The following ITGA8 variants were observed in gnomAD, a reference collection of about 807,000 sequenced individuals.
ITGA8 encodes integrin alpha-8.
In ITGA8, 91 loss-of-function variants were observed where a neutral mutation model predicts 142.3. That is an observed-to-expected ratio of 0.64 (90% CI 0.54 to 0.76). ITGA8 has a LOEUF of 0.76. ITGA8 is among the 30% of genes least tolerant of loss of function. The pLI is 0.00. For synonymous variants in ITGA8, 505 were observed against 485.2 expected (o/e 1.04, Z -0.54); for missense variants, 1,406 against 1,327.7 (o/e 1.06, Z -0.92).
At chr10:15,635,765 T>G (rs1024875390) in intron 13 of ITGA8, among the ~76,000 whole-genome samples, 7 of 152,150 alleles carry the variant, frequency 4.6e-5, no homozygotes, top group Non-Finnish European at 8.8e-5. Context: ...GTTTGAGAAG[T>G]AAAAATAAAC....
intron 2 of ITGA8, among the ~76,000 whole-genome samples, chr10:15,714,222 T>C (rs1588747530): frequency 6.6e-6 from 1 of 152,218 alleles, no homozygotes; most frequent in Admixed American, 6.5e-5. Flanking sequence ...CATTGTCTCA[T>C]TCGTTCTCCC....
At chr10:15,556,006 G>GTCTCTC (rs1195802629) in intron 26 of ITGA8, among the ~76,000 whole-genome samples, 1 of 110,632 alleles carries the variant, frequency 9.0e-6, no homozygotes, top group African/African-American at 3.3e-5. Context: ...TTCTGCCAGG[G>GTCTCTC]TCTCTCTCTC....
At chr10:15,703,825 T>C (rs955405099) in intron 2 of ITGA8, among the ~76,000 whole-genome samples, 1 of 152,138 alleles carries the variant, frequency 6.6e-6, no homozygotes, top group African/African-American at 2.4e-5. Context: ...TTTTATGTTG[T>C]ACTCTCTGAA....
rs150511269 is a variant in ITGA8, at chr10:15,642,359, C to T, written c.1399+1671G>A. ...ATGGATACATCCTCTATTTCCTTTGCCTCATCAAAGGCACAGCCTTTCTGT... is the reference window on the plus strand; with the variant it reads ...ATGGATACATCCTCTATTTCCTTTGTCTCATCAAAGGCACAGCCTTTCTGT... On this transcript the variant is annotated intron_variant, in intron 13 of 29. Transcript: ENST00000378076. Among the ~76,000 whole-genome samples, 58 of 152,202 alleles carry T rather than the reference C, an allele frequency of 3.8e-4. No homozygotes were observed. The East Asian group carries it at 5.2e-3, about 14-fold the overall frequency.
intron 4 of ITGA8, among the ~76,000 whole-genome samples, chr10:15,680,216 C>CTTTTTTTT (rs71374638): frequency 1.8e-4 from 10 of 54,278 alleles, no homozygotes; most frequent in African/African-American, 6.6e-4. Flanking sequence ...CCAGATGCTC[C>CTTTTTTTT]TTTTTTTTTT....
At chr10:15,581,884 G>A (rs1288634022) in intron 23 of ITGA8, among the ~76,000 whole-genome samples, 17 of 152,142 alleles carry the variant, frequency 1.1e-4, no homozygotes, top group Admixed American at 1.1e-3. Context: ...TTCAACAAAG[G>A]TGCCAAAGTA....
At chr10:15,710,249 GTTT>G (rs1353958359) in intron 2 of ITGA8, among the ~76,000 whole-genome samples, 2 of 152,094 alleles carry the variant, frequency 1.3e-5, no homozygotes, top group East Asian at 3.9e-4. Context: ...TGACTTTTAT[GTTT>G]TTTATTTACC....
intron 27 of ITGA8, among the ~76,000 whole-genome samples, chr10:15,540,936 C>T (rs1366351258): frequency 1.3e-5 from 2 of 152,172 alleles, no homozygotes; most frequent in Non-Finnish European, 2.9e-5. Context: ...TGGCAACAGC[C>T]CAGAAGTTAT....
chr10:15,663,239 T>C lies in ITGA8; in HGVS notation c.848-2317A>G, dbSNP rs144239132. Reference sequence around the variant, plus strand: ...GTGAGCTGATTGCGATGTTCCTTGATAGTGCTTTTATTTTAGATATCCTCA... The same window carrying C: ...GTGAGCTGATTGCGATGTTCCTTGACAGTGCTTTTATTTTAGATATCCTCA... On this transcript the variant is annotated intron_variant, in intron 8 of 29. Coordinates refer to ENST00000378076, the MANE Select transcript of ITGA8 (RefSeq NM_003638.3). 9.9e-3 allele frequency among the ~76,000 whole-genome samples: 1,510 copies of C among 152,354 alleles called. 20 individuals are homozygous for C. The highest frequency in any genetic ancestry group is 0.034 in the African/African-American group (1,422 of 41,590).
chr10:15,616,655 G>T, intron 13 of ITGA8, 96 bp from the exon 14 acceptor site: 1 of 998,712 alleles, frequency 1.0e-6, no homozygotes, highest in Non-Finnish European at 1.6e-6. Context: ...ACCCCTACAT[G>T]CTGATGGTAC....
At chr10:15,672,463 T>C in intron 7 of ITGA8, among the ~76,000 whole-genome samples, 161 bp downstream of exon 7, 1 of 152,016 alleles carries the variant, frequency 6.6e-6, no homozygotes, top group East Asian at 1.9e-4. Flanking sequence ...GCTGGAAAAA[T>C]AGCAGTATTA....
intron 27 of ITGA8, among the ~76,000 whole-genome samples, chr10:15,546,357 C>G (rs984498347): frequency 9.9e-5 from 15 of 152,208 alleles, no homozygotes; most frequent in African/African-American, 3.6e-4. Flanking sequence ...CCTTGGCACA[C>G]AGTAGGTCCT....
intron 13 of ITGA8, among the ~76,000 whole-genome samples, chr10:15,636,685 T>G (rs1048971490): frequency 6.6e-6 from 1 of 152,162 alleles, no homozygotes; most frequent in African/African-American, 2.4e-5. Context: ...TACCAAGCCT[T>G]GTCTATTTTT....
chr10:15,688,166 G>GA, intron 2 of ITGA8, 128 bp from the exon 3 acceptor site: 2 of 667,086 alleles, frequency 3.0e-6, no homozygotes, highest in South Asian at 3.6e-5. Context: ...CAAAAAAATT[G>GA]AAAAGAGGCT....
chr10:15,683,645 A>G (rs768139286), intron 4 of ITGA8, among the ~76,000 whole-genome samples: 1 of 152,232 alleles, frequency 6.6e-6, no homozygotes, highest in Non-Finnish European at 1.5e-5. Flanking sequence ...CAACCATGCT[A>G]GCTAACACCG....
intron 13 of ITGA8, among the ~76,000 whole-genome samples, chr10:15,633,647 T>G (rs1833721480): frequency 2.0e-5 from 3 of 152,152 alleles, no homozygotes; most frequent in Admixed American, 2.0e-4. Context: ...CTTGAGCTCC[T>G]GATCTCAGGT....
At chr10:15,602,132 A>C (rs1833114520) in intron 20 of ITGA8, among the ~76,000 whole-genome samples, 1 of 152,244 alleles carries the variant, frequency 6.6e-6, no homozygotes, top group African/African-American at 2.4e-5. Flanking sequence ...TCCTTTGTTT[A>C]GTGAAGTCAG....
At chr10:15,614,145 C>T (rs1042126781) in intron 14 of ITGA8, among the ~76,000 whole-genome samples, 3 of 152,190 alleles carry the variant, frequency 2.0e-5, no homozygotes, top group African/African-American at 7.2e-5. Flanking sequence ...CATCATCTTA[C>T]AGCCATTCGT....
chr10:15,645,485 C>T (rs1669438047), intron 12 of ITGA8, among the ~76,000 whole-genome samples: 1 of 152,172 alleles, frequency 6.6e-6, no homozygotes, highest in African/African-American at 2.4e-5. Context: ...TACAGAGTAG[C>T]AAGTCACTTA....
Sources: allele counts gnomAD v4.1 joint callset (sites outside exome capture counted in the v4.1 genomes callset), GRCh38; gene constraint gnomAD v4.1.1; transcripts MANE v1.5; gene names NCBI Gene and HGNC (gene_info 2026-07-23, HGNC 2026-07-21).